TMPRSS6: variants seen among roughly 807,000 people sequenced by gnomAD.
The protein encoded by TMPRSS6 is transmembrane serine protease 6, also known as transmembrane protease serine 6.
Under a neutral mutation model 101.5 loss-of-function variants are expected in TMPRSS6, and 67 were observed. That is an observed-to-expected ratio of 0.66 (90% CI 0.54 to 0.81). The LOEUF is 0.81. Among genes scored for constraint, TMPRSS6 ranks in the 30% least tolerant of loss-of-function variants. The pLI is 0.00. For missense variants in TMPRSS6, 1,034 were observed against 1,088.7 expected (o/e 0.95, Z 0.71); for synonymous variants, 453 against 464.9 (o/e 0.97, Z 0.33).
chr22:37,094,372 AATG>A (rs1177757099), intron 6 of TMPRSS6, among the ~76,000 whole-genome samples: 1 of 148,082 alleles, frequency 6.8e-6, no homozygotes, highest in Non-Finnish European at 1.5e-5. Context: ...TTTTTCCATT[AATG>A]ATTGATGATA....
At chr22:37,081,380 C>T (rs547935793) in intron 10 of TMPRSS6, among the ~76,000 whole-genome samples, 2 of 152,336 alleles carry the variant, frequency 1.3e-5, no homozygotes, top group African/African-American at 4.8e-5. Flanking sequence ...AGGTGCTGAG[C>T]CCTGGCCTGT....
chr22:37,090,955 C>T (rs1929208201), intron 6 of TMPRSS6, among the ~76,000 whole-genome samples: 1 of 152,218 alleles, frequency 6.6e-6, no homozygotes, highest in African/African-American at 2.4e-5. Flanking sequence ...CATCTCACGG[C>T]TGCCTCACTT....
At chr22:37,098,635 A>T in intron 2 of TMPRSS6, 86 bp from the exon 3 acceptor site, 2 of 1,592,084 alleles carry the variant, frequency 1.3e-6, no homozygotes, top group Non-Finnish European at 1.7e-6. Context: ...TGCCACCCAC[A>T]CCCTCAGCTC....
chr22:37,094,515 T>C (rs962050715), intron 6 of TMPRSS6, among the ~76,000 whole-genome samples: 3 of 139,104 alleles, frequency 2.2e-5, no homozygotes, highest in African/African-American at 8.5e-5. Flanking sequence ...GATAACTAGA[T>C]AGACAAGCAG....
At chr22:37,105,648 G>C (rs1017878784) in intron 1 of TMPRSS6, among the ~76,000 whole-genome samples, 1 of 152,144 alleles carries the variant, frequency 6.6e-6, no homozygotes, top group Non-Finnish European at 1.5e-5. Context: ...CCCTCTGCCA[G>C]AGGAGGACAC....
At chr22:37,067,485 A>G (rs947748589) in intron 16 of TMPRSS6, among the ~76,000 whole-genome samples, 2 of 151,926 alleles carry the variant, frequency 1.3e-5, no homozygotes, top group Non-Finnish European at 2.9e-5. Context: ...CAAAAAAAAG[A>G]AAAAAGAAAA....
chr22:37,095,346 T>C (rs1929648714), intron 6 of TMPRSS6, among the ~76,000 whole-genome samples: 1 of 152,064 alleles, frequency 6.6e-6, no homozygotes, highest in African/African-American at 2.4e-5. Flanking sequence ...AATACACGCA[T>C]GCACGTCGCC....
Position 37,069,975 on chromosome 22 carries a change from C to T in TMPRSS6, c.1841+509G>A, listed in dbSNP as rs751522478. The stretch of plus-strand genomic sequence containing the variant: ...GGGATCCCTGTGCAGGGCCTGGGGG[C>T]GGGATCTGGAGCCCAGATCTGTCTG... On this transcript the variant is annotated intron_variant, in intron 15 of 17. Coordinates refer to ENST00000676104, the MANE Select transcript of TMPRSS6 (RefSeq NM_001374504.1). The surrounding 1 kb of genome is among the most constrained non-coding windows in gnomAD (Gnocchi z 4.8). Among the ~76,000 whole-genome samples, 4 of 151,846 alleles carry T rather than the reference C, an allele frequency of 2.6e-5. No individual in the cohort carries two copies. The highest frequency in any genetic ancestry group is 2.1e-4 in the South Asian group (1 of 4,808).
chr22:37,077,600 C>A (rs1301785022), intron 10 of TMPRSS6, among the ~76,000 whole-genome samples: 1 of 152,192 alleles, frequency 6.6e-6, no homozygotes, highest in Non-Finnish European at 1.5e-5. Flanking sequence ...AACTCGGAGG[C>A]AGATTCGAAG....
chr22:37,076,005 AAG>A (rs1463955813), intron 10 of TMPRSS6, among the ~76,000 whole-genome samples: 5 of 148,822 alleles, frequency 3.4e-5, no homozygotes, highest in African/African-American at 7.8e-5. Flanking sequence ...GAAAGGAAGA[AAG>A]AAAGAAAGAA....
chr22:37,081,123 G>T (rs756188319), intron 10 of TMPRSS6, among the ~76,000 whole-genome samples: 11 of 152,208 alleles, frequency 7.2e-5, no homozygotes, highest in African/African-American at 2.7e-4. Context: ...CTGCTTCCTC[G>T]CTGGGTTGTT....
intron 2 of TMPRSS6, among the ~76,000 whole-genome samples, chr22:37,102,128 C>A (rs1383073044): frequency 6.6e-6 from 1 of 152,218 alleles, no homozygotes; most frequent in Non-Finnish European, 1.5e-5. Flanking sequence ...TTCAACAGGC[C>A]TGGAATTCCA....
chr22:37,095,163 A>G lies in TMPRSS6; in HGVS notation c.631+388T>C, dbSNP rs1344494471. Among the ~76,000 whole-genome samples, 4 of 152,296 alleles carry G rather than the reference A, an allele frequency of 2.6e-5. No individual in the cohort carries two copies. The East Asian group carries it at 7.7e-4, about 29-fold the overall frequency. On this transcript the variant is annotated intron_variant, in intron 6 of 17. Coordinates refer to ENST00000676104, the MANE Select transcript of TMPRSS6 (RefSeq NM_001374504.1). ...TCCAAAAGACCAAGTTTTAAAACCA[A>G]CGTGACTGACAAACCGTGAATTGGC...
Position 37,075,168 on chromosome 22 carries a change from G to A in TMPRSS6, c.1309C>T (p.Arg437Trp), listed in dbSNP as rs117576908. The A allele has an allele frequency of 7.7e-3, 12,445 of 1,614,034 alleles. 161 individuals are homozygous for A. Among genetic ancestry groups the A allele is most frequent in the Non-Finnish European group, 6.6e-3 (7,818 of 1,180,026 alleles). ...SQISLTGPGV[R>W]VHYGLYNQSD... ...TGGTTGTACAAGCCATAGTGCACCC[G>A]CACACCGGGCCCGGTGAGGGAGATC... Residue 437 changes from arginine (R) to tryptophan (W), a missense_variant, in exon 11 of 18, where the codon CGG becomes TGG. Coordinates refer to ENST00000676104, the MANE Select transcript of TMPRSS6 (RefSeq NM_001374504.1).
chr22:37,078,715 G>A (rs538569941), intron 10 of TMPRSS6, among the ~76,000 whole-genome samples: 8,649 of 39,138 alleles, frequency 0.22, 834 homozygotes, highest in African/African-American at 0.5. Flanking sequence ...GGAAGGAGGA[G>A]GCGGAGGAGA....
Position 37,083,008 on chromosome 22 carries a change from C to T in TMPRSS6, c.1196+1287G>A, listed in dbSNP as rs531061345. 1.3e-5 allele frequency: 6 copies of T among 471,108 alleles called. No individual in the cohort carries two copies. In the East Asian group the frequency reaches 4.2e-4, roughly 33 times the overall value. 29.2% of individuals were successfully genotyped at this position (471,108 alleles called of 1,614,324 possible). A position where few individuals can be genotyped will look rare whatever the true frequency, so the allele number is the denominator to read the frequency against. ...TGTTGGTGATTGGGAACACACACCC[C>T]AGAAATCCAAGAATTCTAGAGCCCC... On this transcript the variant is annotated intron_variant, in intron 10 of 17. Coordinates refer to ENST00000676104, the MANE Select transcript of TMPRSS6 (RefSeq NM_001374504.1).
At chr22:37,102,544 G>A (rs958025598) in intron 2 of TMPRSS6, among the ~76,000 whole-genome samples, 1 of 152,190 alleles carries the variant, frequency 6.6e-6, no homozygotes, top group African/African-American at 2.4e-5. Context: ...ATGAACGGAG[G>A]CCTGGATGAA....
At position 37,084,624 on chromosome 22, in the gene TMPRSS6, G is replaced by T. The variant is rs544245402; in HGVS notation, c.1086+103C>A. On this transcript the variant is annotated intron_variant, in intron 9 of 17. Transcript: ENST00000676104. ...TGTACCCAGGGCTCAGCCTGTGGGC[G>T]CTTCAGCAGAGGCGGGACACTGCCC... The T allele has an allele frequency of 3.8e-6, 4 of 1,051,880 alleles. No individual in the cohort carries two copies. In the Admixed American group the frequency reaches 8.1e-5, roughly 21 times the overall value. The allele number at this position is 1,051,880 out of a possible 1,614,324, so 65.2% of individuals were successfully genotyped here.
intron 7 of TMPRSS6, among the ~76,000 whole-genome samples, chr22:37,089,107 G>A (rs543249172): frequency 3.0e-4 from 45 of 152,216 alleles, no homozygotes; most frequent in East Asian, 3.9e-4. Context: ...CCTACTGTGC[G>A]TTTGGTCTAG....
Sources: allele counts gnomAD v4.1 joint callset (sites outside exome capture counted in the v4.1 genomes callset), GRCh38; gene constraint gnomAD v4.1.1; non-coding constraint Gnocchi (gnomAD v3.1); transcripts MANE v1.5; gene names NCBI Gene and HGNC (gene_info 2026-07-23, HGNC 2026-07-21).